Variants in OTOGL observed in about 807,000 individuals in gnomAD.
OTOGL encodes the protein otogelin like.
In OTOGL, 285 loss-of-function variants were observed where a neutral mutation model predicts 318.5. The observed-to-expected ratio is 0.89, with a 90% confidence interval of 0.81 to 0.99. The LOEUF (loss-of-function observed/expected upper bound fraction) is 0.99, where lower values mean the gene tolerates loss of function less well. Ranked by LOEUF, OTOGL falls within the 50% of genes least tolerant of loss-of-function variation. The pLI is 0.00. For synonymous variants in OTOGL, 987 were observed against 936.5 expected, an observed-to-expected ratio of 1.05 and a Z score of -0.99; for missense variants, 2,899 against 2,845.6, an observed-to-expected ratio of 1.02 and a Z score of -0.43.
At chr12:80,218,316 T>TA (rs1877939132) in intron 5 of OTOGL, among the ~76,000 whole-genome samples, 1 of 152,196 alleles carries the variant, frequency 6.6e-6, no homozygotes, top group Non-Finnish European at 1.5e-5. Context: ...AAACAGCATA[T>TA]TTTTTCCTCA....
At chr12:80,307,692 G>A (rs1886264331) in intron 29 of OTOGL, among the ~76,000 whole-genome samples, 1 of 144,300 alleles carries the variant, frequency 6.9e-6, no homozygotes, top group Non-Finnish European at 1.5e-5. Flanking sequence ...GGGCGGCCAG[G>A]CAGAGGCGCC....
At chr12:80,213,692 T>C (rs1449836764) in intron 4 of OTOGL, among the ~76,000 whole-genome samples, 2 of 152,222 alleles carry the variant, frequency 1.3e-5, no homozygotes, top group Non-Finnish European at 2.9e-5. Context: ...ATTTGTATAC[T>C]TTACTCCCTT....
intron 1 of OTOGL, among the ~76,000 whole-genome samples, chr12:80,110,621 T>A (rs1003241114): frequency 1.2e-4 from 18 of 151,396 alleles, no homozygotes; most frequent in African/African-American, 4.4e-4. Flanking sequence ...CATGGTGTAT[T>A]TGTGCCACAT....
chr12:80,146,694 CTT>C (rs1179761389), intron 1 of OTOGL, among the ~76,000 whole-genome samples: 2 of 151,824 alleles, frequency 1.3e-5, no homozygotes, highest in Admixed American at 6.6e-5. Flanking sequence ...GTCCTGGACT[CTT>C]TTTGGTTGGT....
At chr12:80,341,881 C>A in intron 43 of OTOGL, 67 bp from the exon 44 acceptor site, 1 of 1,005,740 alleles carries the variant, frequency 9.9e-7, no homozygotes. Flanking sequence ...AATTATTTAA[C>A]TGATTTAGTT....
At chr12:80,368,382 G>GCCC (rs1592766743) in intron 55 of OTOGL, 73 bp downstream of exon 55, 1 of 830,536 alleles carries the variant, frequency 1.2e-6, no homozygotes, top group Non-Finnish European at 1.8e-6. Context: ...TTTGGAAAAT[G>GCCC]TCCCCCCCCA....
Position 80,163,437 on chromosome 12 carries a change from A to C in OTOGL, c.-19-45976A>C, listed in dbSNP as rs1873648011. On this transcript the variant is annotated intron_variant, in intron 1 of 58. Transcript: ENST00000547103. ...GAGAAATTCAGTCTCCCTTTTCACA[A>C]TGGAGAATTGATGTTCAAGCAGATC... Among the ~76,000 whole-genome samples, 4 of 152,220 alleles carry C rather than the reference A, an allele frequency of 2.6e-5. No individual in the cohort carries two copies. In the South Asian group the frequency reaches 8.3e-4, roughly 32 times the overall value.
intron 1 of OTOGL, among the ~76,000 whole-genome samples, chr12:80,139,328 G>A (rs1303601511): frequency 6.6e-6 from 1 of 152,190 alleles, no homozygotes; most frequent in East Asian, 1.9e-4. Context: ...CCTGGGAACT[G>A]TAGCAATCCA....
At chr12:80,275,635 A>G (rs1883745664) in intron 24 of OTOGL, among the ~76,000 whole-genome samples, 1 of 151,910 alleles carries the variant, frequency 6.6e-6, no homozygotes, top group African/African-American at 2.4e-5. Context: ...TATCAAATGC[A>G]TTGAACACTA....
intron 44 of OTOGL, among the ~76,000 whole-genome samples, chr12:80,351,674 A>C (rs918181549): frequency 7.2e-5 from 11 of 152,196 alleles, no homozygotes; most frequent in Admixed American, 3.3e-4. Context: ...AGAATTTGGC[A>C]TCTGAATTTA....
chr12:80,182,323 C>T (rs1874981817), intron 1 of OTOGL, among the ~76,000 whole-genome samples: 1 of 152,118 alleles, frequency 6.6e-6, no homozygotes, highest in East Asian at 1.9e-4. Context: ...CATCACAGCT[C>T]AAAGTGAAAA....
At chr12:80,167,523 GAGAT>G (rs1444541523) in intron 1 of OTOGL, among the ~76,000 whole-genome samples, 1 of 152,050 alleles carries the variant, frequency 6.6e-6, no homozygotes, top group South Asian at 2.1e-4. Context: ...AAATAAAAGT[GAGAT>G]AGATATTAAT....
At chr12:80,168,102 C>A (rs969823598) in intron 1 of OTOGL, among the ~76,000 whole-genome samples, 7 of 151,762 alleles carry the variant, frequency 4.6e-5, no homozygotes, top group Non-Finnish European at 8.8e-5. Context: ...AGACTCCAGG[C>A]GCACGCCACC....
intron 17 of OTOGL, among the ~76,000 whole-genome samples, chr12:80,257,339 C>G (rs1473650564): frequency 2.0e-5 from 3 of 147,242 alleles, no homozygotes. Context: ...ACTATGACAA[C>G]AGTGTAGAAG....
Position 80,233,042 on chromosome 12 carries a change from T to C in OTOGL, c.762T>C (p.Cys254=). 6.3e-7 allele frequency: 1 copy of C among 1,598,554 alleles called. No individual in the cohort carries two copies. The highest frequency in any genetic ancestry group is 8.5e-7 in the Non-Finnish European group (1 of 1,178,938). The change falls in exon 9 of 59, where the codon TGT becomes TGC. Residue 254 remains cysteine, a synonymous_variant. Coordinates refer to ENST00000547103, the MANE Select transcript of OTOGL (RefSeq NM_001378609.3). ...CTGAGGACCATAAGGGGAAATCATG[T>C]GGCCTATGTGGAAACTACAATGACA... ...KLSEDHKGKS[C]GLCGNYNDIQ...
intron 1 of OTOGL, among the ~76,000 whole-genome samples, chr12:80,150,835 A>G (rs554847736): frequency 1.3e-5 from 2 of 152,336 alleles, no homozygotes; most frequent in East Asian, 3.9e-4. Context: ...AAAGGCATAG[A>G]AAACAAGTAG....
At chr12:80,149,428 C>T (rs1872626073) in intron 1 of OTOGL, among the ~76,000 whole-genome samples, 2 of 152,212 alleles carry the variant, frequency 1.3e-5, no homozygotes, top group South Asian at 4.1e-4. Context: ...TGCCCGTTCT[C>T]AGATCTCCAG....
At chr12:80,104,382 G>A (rs1869326882) in intron 1 of OTOGL, among the ~76,000 whole-genome samples, 1 of 152,162 alleles carries the variant, frequency 6.6e-6, no homozygotes, top group African/African-American at 2.4e-5. Flanking sequence ...CACTGGGGGA[G>A]CTTTAAAAAA....
chr12:80,286,723 C>A (rs1452699392), intron 26 of OTOGL, among the ~76,000 whole-genome samples: 1 of 152,010 alleles, frequency 6.6e-6, no homozygotes, highest in Non-Finnish European at 1.5e-5. Context: ...GTGATCTCCC[C>A]TTTGTCATTT....
Sources: allele counts gnomAD v4.1 joint callset (sites outside exome capture counted in the v4.1 genomes callset), GRCh38; gene constraint gnomAD v4.1.1; transcripts MANE v1.5; gene names NCBI Gene and HGNC (gene_info 2026-07-23, HGNC 2026-07-21).